MIB2: variants seen among roughly 807,000 people sequenced by gnomAD.
MIB2 encodes the protein E3 ubiquitin-protein ligase MIB2.
Under a neutral mutation model 96.6 loss-of-function variants are expected in MIB2, and 78 were observed. The observed-to-expected ratio is 0.81, with a 90% CI of 0.67 to 0.97. The LOEUF (loss-of-function observed/expected upper bound fraction) is 0.97. Ranked by LOEUF, MIB2 falls within the 50% of genes least tolerant of loss-of-function variation. MIB2 has a pLI of 0.00. For synonymous variants in MIB2, 820 were observed against 629.5 expected (o/e 1.30, Z -4.53); for missense variants, 1,543 against 1,424.0 (o/e 1.08, Z -1.35).
chr1:1,616,114 C>T (rs1166171541), intron 1 of MIB2: 1 of 983,026 alleles, frequency 1.0e-6, no homozygotes, highest in East Asian at 1.1e-4. Flanking sequence ...CTGCGCGGCC[C>T]TGGCAAGGTC....
intron 2 of MIB2, among the ~76,000 whole-genome samples, chr1:1,621,089 T>A (rs757471834): frequency 6.6e-6 from 1 of 152,234 alleles, no homozygotes; most frequent in Non-Finnish European, 1.5e-5. Context: ...CTGGTTCTTA[T>A]GTTTCATTCA....
intron 4 of MIB2, among the ~76,000 whole-genome samples, chr1:1,624,395 A>G (rs761583360): frequency 5.3e-5 from 8 of 152,136 alleles, no homozygotes; most frequent in African/African-American, 7.2e-5. Context: ...GCTGTTGGCC[A>G]GGCCTGCTTT....
chr1:1,627,635 GC>G (rs758015402), intron 12 of MIB2, 37 bp from the exon 13 acceptor site: 1 of 1,568,932 alleles, frequency 6.4e-7, no homozygotes, highest in Non-Finnish European at 8.6e-7. Flanking sequence ...CAGCCACCGG[GC>G]CCGGCGCCCT....
In MIB2 at chr1:1,623,644, C is replaced by T. The variant is rs1280403484; in HGVS notation, c.192C>T (p.Tyr64=). 6.8e-7 allele frequency: 1 copy of T among 1,477,808 alleles called. No homozygotes were observed. Among genetic ancestry groups the T allele is most frequent in the East Asian group, 2.5e-5 (1 of 40,216 alleles). The allele number at this position is 1,477,808 out of a possible 1,614,324, so 91.5% of individuals were successfully genotyped here. The change falls in exon 3 of 20, where the codon TAC becomes TAT. Residue 64 remains tyrosine, a synonymous_variant. Transcript: ENST00000355826. ...GGGACCAGGGCACGCGCACCAACTA[C>T]CGCGCCGGCTACCAGGGCGCGCACG... ...VQWDQGTRTN[Y]RAGYQGAHDL... is the part of the protein sequence containing the mutation.
intron 1 of MIB2, 175 bp from the exon 2 acceptor site, chr1:1,616,333 C>T (rs1643670945): frequency 8.1e-6 from 4 of 493,016 alleles, no homozygotes; most frequent in African/African-American, 2.1e-5. Flanking sequence ...CCGGCGCTGG[C>T]GGCTCCTGCG....
At chr1:1,629,091 GC>G in intron 16 of MIB2, 41 bp from the exon 17 acceptor site, 1 of 1,403,544 alleles carries the variant, frequency 7.1e-7, no homozygotes, top group Non-Finnish European at 9.2e-7. Context: ...CCTCGGGCCT[GC>G]CCCGGCGCCC....
chr1:1,622,980 C>T (rs1234025393), intron 2 of MIB2: 5 of 239,828 alleles, frequency 2.1e-5, no homozygotes. Context: ...GACACGAGTC[C>T]TCTGAGGGAC....
intron 16 of MIB2, 193 bp from the exon 17 acceptor site, chr1:1,628,940 G>A: frequency 2.8e-6 from 2 of 720,460 alleles, no homozygotes; most frequent in Non-Finnish European, 4.4e-6. Context: ...ATGGGGAGAG[G>A]TGGAGCTTAG....
chr1:1,625,189 T>C lies in MIB2; in HGVS notation c.721+4T>C. The C allele has an allele frequency of 6.2e-7, 1 of 1,607,900 alleles. No homozygotes were observed. The highest frequency in any genetic ancestry group is 8.5e-7 in the Non-Finnish European group (1 of 1,176,920). ...AAGGACCACCTCCCAAGGCTCGGTA[T>C]GAGGCTGTCACACTGACTCCATCAG... On this transcript the variant is annotated splice_donor_region_variant and intron_variant, in intron 6 of 19. Transcript: ENST00000355826. This position sits in a 1 kb window ranked among gnomAD's most constrained non-coding sequence, Gnocchi z 5.0.
At position 1,626,943 on chromosome 1, in the gene MIB2, A is replaced by C. The variant is rs368815922; in HGVS notation, c.1184A>C (p.Tyr395Ser). The C allele has an allele frequency of 1.9e-6, 3 of 1,610,900 alleles. No homozygotes were observed. The highest frequency in any genetic ancestry group is 2.7e-5 in the African/African-American group (2 of 74,890). ...WTFSPSCLVA[Y>S]RPEEDANLDV... Reference sequence around the variant, plus strand: ...TTCAGCCCCTCCTGCCTGGTGGCCTACCGGCCCGAGGAGGATGCCAACCTG... The same window carrying C: ...TTCAGCCCCTCCTGCCTGGTGGCCTCCCGGCCCGAGGAGGATGCCAACCTG... The change falls in exon 10 of 20, where the codon TAC becomes TCC. Residue 395 changes from tyrosine (Y) to serine (S), a missense_variant. By Grantham distance (144) the Tyr-to-Ser change is moderately radical. Coordinates refer to ENST00000355826, the MANE Select transcript of MIB2 (RefSeq NM_001170687.4). This position sits in a 1 kb window ranked among gnomAD's most constrained non-coding sequence, Gnocchi z 5.3.
chr1:1,623,464 C>G lies in MIB2; in HGVS notation c.12C>G (p.Asp4Glu), dbSNP rs1264643200. 2 of 1,596,586 alleles carry G rather than the reference C, an allele frequency of 1.3e-6. No individual in the cohort carries two copies. Among genetic ancestry groups the G allele is most frequent in the Admixed American group, 1.7e-5 (1 of 58,358 alleles). MDP[D>E]PQAGVQVGMR... is the part of the protein sequence containing the mutation. ...CAGCCCCGCCCAACATGGACCCAGA[C>G]CCCCAGGCGGGCGTGCAGGTGGGCA... The change falls in exon 3 of 20, where the codon GAC becomes GAG. Residue 4 changes from aspartate (D) to glutamate (E), a missense_variant. Asp to Glu is a conservative substitution (Grantham distance 45). Coordinates refer to ENST00000355826, the MANE Select transcript of MIB2 (RefSeq NM_001170687.4).
At chr1:1,617,343 C>T (rs772294509) in intron 2 of MIB2, 4 of 152,418 alleles carry the variant, frequency 2.6e-5, no homozygotes, top group South Asian at 2.1e-4. Flanking sequence ...GTTTCTATGG[C>T]TTTTAAAGCT....
Position 1,623,510 on chromosome 1 carries a change from G to C in MIB2, c.58G>C (p.Asp20His). The change falls in exon 3 of 20, where the codon GAC (aspartate) becomes CAC (histidine). Residue 20 changes from aspartate to histidine, a missense_variant. Physicochemically the swap from Asp to His is moderately conservative, Grantham distance 81 (BLOSUM62 -1). Transcript: ENST00000355826. ...GGGCATGCGGGTGGTGCGCGGCGTG[G>C]ACTGGAAGTGGGGCCAGCAGGACGG... ...QVGMRVVRGVDWKWGQQDGGE... is the reference protein window; with the variant it reads ...QVGMRVVRGVHWKWGQQDGGE... 1.3e-6 allele frequency: 2 copies of C among 1,562,184 alleles called. No homozygotes were observed. Among genetic ancestry groups the C allele is most frequent in the Non-Finnish European group, 1.7e-6 (2 of 1,156,982 alleles).
At position 1,629,405 on chromosome 1, in the gene MIB2, G is replaced by A; in HGVS notation, c.2402G>A (p.Gly801Asp). 6.9e-7 allele frequency: 1 copy of A among 1,450,842 alleles called. No individual in the cohort carries two copies. Among genetic ancestry groups the A allele is most frequent in the Middle Eastern group, 2.4e-4 (1 of 4,132 alleles). The allele number at this position is 1,450,842 out of a possible 1,614,324, so 89.9% of individuals were successfully genotyped here. A position where few individuals can be genotyped will look rare whatever the true frequency, so the allele number is the denominator to read the frequency against. The stretch of plus-strand genomic sequence containing the variant: ...TGCAGGGAGCGGCAGGCGGGCGGGG[G>A]CGCGGCCCCGGGCCCCAGGCAAACG... ...QRFRERQAGG[G>D]AAPGPRQTLG... The change falls in exon 18 of 20, where the codon GGC becomes GAC. Residue 801 changes from glycine to aspartate, a missense_variant. Physicochemically the swap from Gly to Asp is moderately conservative, Grantham distance 94. Transcript: ENST00000355826.
chr1:1,630,424 T>C lies in MIB2; in HGVS notation c.2762T>C (p.Leu921Pro), dbSNP rs1309421856. 1.3e-6 allele frequency: 2 copies of C among 1,584,974 alleles called. No homozygotes were observed. Among genetic ancestry groups the C allele is most frequent in the Non-Finnish European group, 1.7e-6 (2 of 1,167,984 alleles). Residue 921 changes from leucine to proline, a missense_variant, in exon 20 of 20, where the codon CTC becomes CCC. By Grantham distance (98) the Leu-to-Pro change is moderately conservative. Transcript: ENST00000355826. Reference sequence around the variant, plus strand: ...ATCTGCATCGACAGCCACATCCGCCTCGTGTTCCAGTGCGGCCACGGCGCA... The same window carrying C: ...ATCTGCATCGACAGCCACATCCGCCCCGTGTTCCAGTGCGGCCACGGCGCA... ...CPICIDSHIR[L>P]VFQCGHGACA...
chr1:1,625,280 C>T lies in MIB2; in HGVS notation c.722-6C>T, dbSNP rs547759938. On this transcript the variant is annotated splice_region_variant and splice_polypyrimidine_tract_variant and intron_variant, in intron 6 of 19. Transcript: ENST00000355826. This position sits in a 1 kb window ranked among gnomAD's most constrained non-coding sequence, Gnocchi z 5.0. ...TGCCTGAGGCCTGGTCTGCCACCCT[C>T]CGCAGGCAAGCCGGCGGAGCTGCAG... 1.3e-6 allele frequency: 2 copies of T among 1,593,716 alleles called. No homozygotes were observed. Among genetic ancestry groups the T allele is most frequent in the East Asian group, 2.3e-5 (1 of 43,930 alleles).
At chr1:1,620,524 C>T (rs1463978014) in intron 2 of MIB2, among the ~76,000 whole-genome samples, 7 of 152,142 alleles carry the variant, frequency 4.6e-5, no homozygotes, top group African/African-American at 1.4e-4. Context: ...GAGGAGGTTG[C>T]GTGTGGATCT....
Position 1,625,535 on chromosome 1 carries a change from A to T in MIB2, c.865-11A>T, listed in dbSNP as rs371139868. On this transcript the variant is annotated splice_polypyrimidine_tract_variant and intron_variant, in intron 7 of 19. Coordinates refer to ENST00000355826, the MANE Select transcript of MIB2 (RefSeq NM_001170687.4). This position sits in a 1 kb window ranked among gnomAD's most constrained non-coding sequence, Gnocchi z 5.0. ...AGCCCGACCCAGCCACAGCTCCATG[A>T]CCCGCCACAGTTTATCGGACAGACG... The T allele has an allele frequency of 1.9e-6, 3 of 1,555,200 alleles. No homozygotes were observed. The highest frequency in any genetic ancestry group is 1.4e-5 in the African/African-American group (1 of 73,108).
In MIB2 at chr1:1,630,504, C is replaced by G. The variant is rs1638715963; in HGVS notation, c.2842C>G (p.Arg948Gly). ...CTGCCCCATCTGCCGCCAGCCCATC[C>G]GCGACCGCATCCAGATCTTCGTGTG... ...SACPICRQPIRDRIQIFV is the reference protein window; with the variant it reads ...SACPICRQPIGDRIQIFV Residue 948 changes from arginine to glycine, a missense_variant, in exon 20 of 20, where the codon CGC becomes GGC. Arg to Gly is a moderately radical substitution (Grantham distance 125, BLOSUM62 -2). Transcript: ENST00000355826. The G allele has an allele frequency of 6.3e-7, 1 of 1,591,784 alleles. No homozygotes were observed. The highest frequency in any genetic ancestry group is 8.5e-7 in the Non-Finnish European group (1 of 1,175,046).
Sources: allele counts gnomAD v4.1 joint callset (sites outside exome capture counted in the v4.1 genomes callset), GRCh38; gene constraint gnomAD v4.1.1; non-coding constraint Gnocchi (gnomAD v3.1); transcripts MANE v1.5; gene names NCBI Gene and HGNC (gene_info 2026-07-23, HGNC 2026-07-21).